Variants in GATA4 observed in about 807,000 individuals in gnomAD.
GATA4 encodes the protein GATA binding protein 4.
Under a neutral mutation model 37.9 loss-of-function variants are expected in GATA4, and 7 were observed. The ratio of observed to expected loss-of-function variants is 0.18; its 90% CI spans 0.11 to 0.35. GATA4 has a LOEUF of 0.35. Ranked by LOEUF, GATA4 falls within the 10% of genes least tolerant of loss-of-function variation. GATA4 has a pLI of 1.00. For synonymous variants in GATA4, 372 were observed against 292.6 expected, an observed-to-expected ratio of 1.27 and a Z score of -2.77; for missense variants, 647 against 653.0, an observed-to-expected ratio of 0.99 and a Z score of 0.10.
intron 2 of GATA4, among the ~76,000 whole-genome samples, chr8:11,718,283 T>G (rs1173942275): frequency 6.6e-6 from 1 of 152,378 alleles, no homozygotes; most frequent in East Asian, 1.9e-4. Context: ...ATTACTGCTC[T>G]GTAATCAGAA....
upstream of GATA4, among the ~76,000 whole-genome samples, chr8:11,690,903 G>A (rs1450042533): frequency 2.0e-5 from 3 of 152,242 alleles, no homozygotes; most frequent in Admixed American, 6.5e-5. Flanking sequence ...TATGTAAGAA[G>A]ATACCCTGCA....
At chr8:11,690,822 G>A (rs1237786025), upstream of GATA4, among the ~76,000 whole-genome samples, 1 of 152,218 alleles carries the variant, frequency 6.6e-6, no homozygotes, top group Non-Finnish European at 1.5e-5. Context: ...AGTGAACTAT[G>A]ATTGCACTAC....
chr8:11,742,101 A>C (rs773989988), intron 2 of GATA4, among the ~76,000 whole-genome samples: 46 of 152,062 alleles, frequency 3.0e-4, no homozygotes, highest in Non-Finnish European at 6.0e-4. Context: ...CGCTCACCCT[A>C]CTATGAGCAC....
At chr8:11,747,375 G>A (rs1299728676) in intron 2 of GATA4, among the ~76,000 whole-genome samples, 3 of 152,226 alleles carry the variant, frequency 2.0e-5, no homozygotes, top group Non-Finnish European at 4.4e-5. Flanking sequence ...TGATAAAGGT[G>A]ATGGCGGGGA....
chr8:11,683,598 T>G (rs1421504393), intron 1 of GATA4, among the ~76,000 whole-genome samples: 1 of 152,192 alleles, frequency 6.6e-6, no homozygotes, highest in Non-Finnish European at 1.5e-5. Flanking sequence ...TTACCAAGCT[T>G]TCCTCTGCGC....
At chr8:11,719,050 A>C (rs1800555754) in intron 2 of GATA4, among the ~76,000 whole-genome samples, 1 of 152,226 alleles carries the variant, frequency 6.6e-6, no homozygotes, top group African/African-American at 2.4e-5. Flanking sequence ...GATAAAAAAG[A>C]GTTCATCAAT....
intron 2 of GATA4, among the ~76,000 whole-genome samples, chr8:11,725,759 G>A (rs2130172722): frequency 6.6e-6 from 1 of 152,286 alleles, no homozygotes; most frequent in African/African-American, 2.4e-5. Flanking sequence ...TTATTACTCG[G>A]CACCTTGGCA....
chr8:11,703,505 G>A (rs1799757656), upstream of GATA4, among the ~76,000 whole-genome samples: 1 of 152,168 alleles, frequency 6.6e-6, no homozygotes. Flanking sequence ...AGCCGCCGCA[G>A]GCTGCAGAAA....
At chr8:11,719,645 C>A (rs188821803) in intron 2 of GATA4, among the ~76,000 whole-genome samples, 33 of 152,224 alleles carry the variant, frequency 2.2e-4, no homozygotes, top group Admixed American at 1.6e-3. Context: ...TCCTTGACTT[C>A]CAGTTATCCT....
Position 11,708,744 on chromosome 8 carries a change from G to T in GATA4, c.432G>T (p.Ala144=), listed in dbSNP as rs1356013644. The change falls in exon 2 of 7, where the codon GCG becomes GCT. Residue 144 remains alanine (A), a synonymous_variant. Transcript: ENST00000532059. This position sits in a 1 kb window ranked among gnomAD's most constrained non-coding sequence, Gnocchi z 6.7. ...GCGGAGCGGCGGGTGCGGGCCTGGC[G>T]GGCCGCGAGCAGTACGGGCGCGCCG... The part of the protein sequence containing the change: ...SGGGAAGAGL[A]GREQYGRAGF... 5 of 1,325,812 alleles carry T rather than the reference G, an allele frequency of 3.8e-6. No individual in the cohort carries two copies. Among genetic ancestry groups the T allele is most frequent in the Non-Finnish European group, 4.8e-6 (5 of 1,045,182 alleles). The allele number at this position is 1,325,812 out of a possible 1,614,324, so 82.1% of individuals were successfully genotyped here.
chr8:11,754,768 G>C (rs535347704), intron 4 of GATA4, among the ~76,000 whole-genome samples: 25 of 152,278 alleles, frequency 1.6e-4, no homozygotes, highest in African/African-American at 6.0e-4. Context: ...CTCCTTGTCT[G>C]TGAATTTCTG....
chr8:11,691,466 A>G (rs1270265189), upstream of GATA4, among the ~76,000 whole-genome samples: 1 of 152,088 alleles, frequency 6.6e-6, no homozygotes, highest in African/African-American at 2.4e-5. Flanking sequence ...ACAACCCGCT[A>G]TGTTTTTCTA....
chr8:11,750,770 TAAAAAAAA>T (rs1195090785), intron 4 of GATA4, among the ~76,000 whole-genome samples: 1,395 of 88,802 alleles, frequency 0.016, 31 homozygotes, highest in African/African-American at 0.064. Flanking sequence ...TTGTCTCTAC[TAAAAAAAA>T]AAAAAAAAAA....
intron 2 of GATA4, among the ~76,000 whole-genome samples, chr8:11,711,118 A>G (rs990965874): frequency 6.6e-6 from 1 of 152,238 alleles, no homozygotes; most frequent in African/African-American, 2.4e-5. Context: ...AAACAAACAA[A>G]AAACCGAAAT....
At chr8:11,689,371 T>C (rs1799241145), upstream of GATA4, among the ~76,000 whole-genome samples, 1 of 152,218 alleles carries the variant, frequency 6.6e-6, no homozygotes, top group African/African-American at 2.4e-5. Flanking sequence ...AGTGAATGTG[T>C]ATATCACTGA....
intron 2 of GATA4, among the ~76,000 whole-genome samples, chr8:11,716,034 A>C (rs1047478537): frequency 3.3e-5 from 5 of 152,138 alleles, no homozygotes; most frequent in African/African-American, 4.8e-5. Context: ...ATGTTGTAGC[A>C]TGTGCCAGAA....
chr8:11,757,841 ATCTCG>A (rs1324345679), intron 6 of GATA4, among the ~76,000 whole-genome samples: 2 of 152,218 alleles, frequency 1.3e-5, no homozygotes, highest in Non-Finnish European at 2.9e-5. Flanking sequence ...CCTGGCTGTT[ATCTCG>A]TCTCTGCTCT....
rs902032425 is a variant in GATA4 at position 11,756,819 on chromosome 8, C to T, written c.1001-116C>T. 18 of 1,392,320 alleles carry T rather than the reference C, an allele frequency of 1.3e-5. No homozygotes were observed. In the African/African-American group the frequency reaches 1.7e-4, roughly 13 times the overall value. The allele number at this position is 1,392,320 out of a possible 1,614,324, so 86.2% of individuals were successfully genotyped here. A position where few individuals can be genotyped will look rare whatever the true frequency, so the allele number is the denominator to read the frequency against. ...GCAGATAAGGACCTCTGCTGCTGTC[C>T]CCGGCAAATGTAGATAAAGCCATTA... On this transcript the variant is annotated intron_variant, in intron 5 of 6. Coordinates refer to ENST00000532059, the MANE Select transcript of GATA4 (RefSeq NM_001308093.3).
At chr8:11,682,115 TCTAA>T (rs1242379571) in intron 1 of GATA4, among the ~76,000 whole-genome samples, 4 of 152,256 alleles carry the variant, frequency 2.6e-5, no homozygotes, top group African/African-American at 7.2e-5. Context: ...GGTTTTTACC[TCTAA>T]CTAATGGCAC....
Sources: gnomAD v4.1 joint callset for allele counts (sites outside exome capture counted in the v4.1 genomes callset) on GRCh38, gnomAD v4.1.1 for gene constraint, Gnocchi (gnomAD v3.1) non-coding constraint, MANE v1.5 for transcripts, NCBI Gene and HGNC (gene_info 2026-07-23, HGNC 2026-07-21) for gene names.